Variants in USP34 observed in about 807,000 individuals in gnomAD.
USP34 encodes the protein ubiquitin specific peptidase 34, also known as ubiquitin carboxyl-terminal hydrolase 34.
In USP34, 70 loss-of-function variants were observed where a neutral mutation model predicts 460.3. That is an observed-to-expected ratio of 0.15 (90% CI 0.13 to 0.19). The LOEUF (loss-of-function observed/expected upper bound fraction) is 0.19. Ranked by LOEUF, USP34 falls within the 10% of genes least tolerant of loss-of-function variation. USP34 has a pLI of 1.00. For missense variants in USP34, 3,985 were observed against 4,236.2 expected (o/e 0.94, Z 1.65); for synonymous variants, 1,647 against 1,405.3 (o/e 1.17, Z -3.85).
chr2:61,199,069 G>A (rs1436388006), intron 75 of USP34, among the ~76,000 whole-genome samples: 1 of 152,092 alleles, frequency 6.6e-6, no homozygotes, highest in Non-Finnish European at 1.5e-5. Context: ...CCAATTAGCT[G>A]TTTGTGTTTT....
Position 61,467,592 on chromosome 2 carries a change from C to G in USP34, c.43+3058G>C, listed in dbSNP as rs1695811800. On this transcript the variant is annotated intron_variant, in intron 1 of 79. Coordinates refer to ENST00000398571, the MANE Select transcript of USP34 (RefSeq NM_014709.4). ...GTCGTATTTAAAGATGAATTCTGAG[C>G]ACATTTTGGGAGGACTGTAACTTTG... Among the ~76,000 whole-genome samples the G allele has an allele frequency of 2.0e-5, 3 of 149,262 alleles. 1 individual carries two copies. The South Asian group carries it at 6.4e-4, about 32-fold the overall frequency.
chr2:61,276,845 A>G (rs1343731876), intron 41 of USP34, among the ~76,000 whole-genome samples: 1 of 152,208 alleles, frequency 6.6e-6, no homozygotes, highest in African/African-American at 2.4e-5. Flanking sequence ...TGTAATCTTA[A>G]GTTGATCTCA....
rs917320067 is a variant in USP34, at chr2:61,470,982, G to T, written c.-290C>A. Among the ~76,000 whole-genome samples, 1 of 136,314 alleles carries T rather than the reference G, an allele frequency of 7.3e-6. No homozygotes were observed. Among genetic ancestry groups the T allele is most frequent in the East Asian group, 2.3e-4 (1 of 4,366 alleles). 89.4% of individuals were successfully genotyped at this position (136,314 alleles called of 152,430 possible). ...GGGGGAAGGACGGGGGGAGGGGAGAGGGGGGGAGGGGGCGGGTGGGGAGAG... is the reference window on the plus strand; with the variant it reads ...GGGGGAAGGACGGGGGGAGGGGAGATGGGGGGAGGGGGCGGGTGGGGAGAG... On this transcript the variant is annotated 5_prime_UTR_variant, in exon 1 of 80. Transcript: ENST00000398571.
At chr2:61,445,364 T>C (rs1013094863) in intron 1 of USP34, among the ~76,000 whole-genome samples, 7 of 146,158 alleles carry the variant, frequency 4.8e-5, no homozygotes, top group Non-Finnish European at 7.5e-5. Flanking sequence ...TGAAACCCCA[T>C]CTCTACGAAA....
chr2:61,331,041 T>C (rs1358531376), intron 20 of USP34, among the ~76,000 whole-genome samples: 1 of 152,142 alleles, frequency 6.6e-6, no homozygotes, highest in Non-Finnish European at 1.5e-5. Context: ...ATCTCAATAG[T>C]GAAGGTTAAC....
At chr2:61,296,976 G>GT in intron 29 of USP34, 51 bp from the exon 30 acceptor site, 1 of 1,530,336 alleles carries the variant, frequency 6.5e-7, no homozygotes, top group South Asian at 1.3e-5. Flanking sequence ...AAAAGAAAAA[G>GT]TTTTAAGTTC....
At chr2:61,460,544 GA>G (rs1019448741) in intron 1 of USP34, among the ~76,000 whole-genome samples, 12 of 151,630 alleles carry the variant, frequency 7.9e-5, no homozygotes, top group Admixed American at 2.0e-4. Context: ...AAAATAATGA[GA>G]AAAAAAACAG....
At chr2:61,267,340 T>C (rs115110411) in intron 41 of USP34, among the ~76,000 whole-genome samples, 1,800 of 152,276 alleles carry the variant, frequency 0.012, 40 homozygotes, top group African/African-American at 0.041. Context: ...TGTTTTTCCA[T>C]AATGACCTCA....
chr2:61,334,018 A>T, intron 18 of USP34, 47 bp from the exon 19 acceptor site: 1 of 1,378,632 alleles, frequency 7.3e-7, no homozygotes, highest in Non-Finnish European at 9.9e-7. Context: ...AATTCTTTTT[A>T]TAGAAATTCA....
chr2:61,244,873 A>T (rs1451580956), intron 51 of USP34, among the ~76,000 whole-genome samples: 1 of 152,164 alleles, frequency 6.6e-6, no homozygotes, highest in African/African-American at 2.4e-5. Flanking sequence ...TTTCAGATTA[A>T]GTCAGTAAAC....
intron 5 of USP34, among the ~76,000 whole-genome samples, chr2:61,384,010 T>A (rs950008602): frequency 2.6e-5 from 4 of 152,162 alleles, no homozygotes; most frequent in African/African-American, 9.6e-5. Context: ...ATTAGTTTTT[T>A]AATAAACCGT....
chr2:61,402,661 G>C (rs377104942), intron 3 of USP34, among the ~76,000 whole-genome samples: 5 of 152,148 alleles, frequency 3.3e-5, no homozygotes, highest in African/African-American at 1.2e-4. Context: ...TAAGAATTTT[G>C]GCTAAGTTGT....
At position 61,296,804 on chromosome 2, in the gene USP34, T is replaced by C. The variant is rs1690043496; in HGVS notation, c.4250A>G (p.Glu1417Gly). 1.2e-6 allele frequency: 2 copies of C among 1,611,892 alleles called. No homozygotes were observed. Among genetic ancestry groups the C allele is most frequent in the Non-Finnish European group, 1.7e-6 (2 of 1,179,262 alleles). The stretch of plus-strand genomic sequence containing the variant: ...AAAGAGATTTTGTGGGCTCACCTGC[T>C]CATCTGAGATATTCTGGAATGCCAT... ...MLMAFQNISDEQSNDGFNWKE... is the reference protein window; with the variant it reads ...MLMAFQNISDGQSNDGFNWKE... Residue 1417 changes from glutamate to glycine, a missense_variant, in exon 30 of 80, where the codon GAG (glutamate) becomes GGG (glycine). Transcript: ENST00000398571.
At chr2:61,263,126 A>G (rs1349487362) in intron 43 of USP34, among the ~76,000 whole-genome samples, 1 of 148,644 alleles carries the variant, frequency 6.7e-6, no homozygotes, top group African/African-American at 2.5e-5. Context: ...CTCCTGGCCC[A>G]GCGTCCCGAG....
chr2:61,314,860 T>C lies in USP34; in HGVS notation c.3382+15A>G, dbSNP rs1558525677. Reference sequence around the variant, plus strand: ...CATAGAAATTACCTATCAGACAATGTTTCAAATCACTTACCATTAATATAA... The same window carrying C: ...CATAGAAATTACCTATCAGACAATGCTTCAAATCACTTACCATTAATATAA... On this transcript the variant is annotated intron_variant, in intron 24 of 79. Transcript: ENST00000398571. 2.5e-6 allele frequency: 4 copies of C among 1,601,640 alleles called. No individual in the cohort carries two copies. The highest frequency in any genetic ancestry group is 3.4e-6 in the Non-Finnish European group (4 of 1,176,750).
intron 10 of USP34, among the ~76,000 whole-genome samples, chr2:61,357,641 T>C (rs1189376695): frequency 1.3e-5 from 2 of 152,188 alleles, no homozygotes; most frequent in Admixed American, 6.5e-5. Flanking sequence ...TTCATGCCTG[T>C]TGTAATACTC....
chr2:61,233,921 T>C (rs1292846089), intron 57 of USP34, among the ~76,000 whole-genome samples: 1 of 152,158 alleles, frequency 6.6e-6, no homozygotes, highest in Admixed American at 6.5e-5. Context: ...TGGTTGCATA[T>C]GTTTTTGAAG....
intron 75 of USP34, chr2:61,194,201 T>C: frequency 1.0e-6 from 1 of 985,352 alleles, no homozygotes; most frequent in Non-Finnish European, 1.2e-6. Flanking sequence ...GGTAAGCCAA[T>C]TTATTTTCCT....
Position 61,295,309 on chromosome 2 carries a change from G to A in USP34, c.4255-19C>T. On this transcript the variant is annotated intron_variant, in intron 30 of 79. Transcript: ENST00000398571. ...CATTACTCTTAAATTAGAAAAACAT[G>A]TTTCTCAAGCCAACTTACTCAGGGA... 1 of 1,570,724 alleles carries A rather than the reference G, an allele frequency of 6.4e-7. No individual in the cohort carries two copies.
Sources: allele counts gnomAD v4.1 joint callset (sites outside exome capture counted in the v4.1 genomes callset), GRCh38; gene constraint gnomAD v4.1.1; transcripts MANE v1.5; gene names NCBI Gene and HGNC (gene_info 2026-07-23, HGNC 2026-07-21).